DUOX2: variants seen among roughly 807,000 people sequenced by gnomAD.
DUOX2 encodes NADH/NADPH thyroid oxidase p138-tox.
A neutral mutation model predicts 183.3 loss-of-function variants in DUOX2; 185 were observed. The observed-to-expected ratio is 1.01, with a 90% CI of 0.90 to 1.14. The LOEUF (loss-of-function observed/expected upper bound fraction) is 1.14, where lower values mean the gene tolerates loss of function less well. Among genes scored for constraint, DUOX2 ranks in the 50% most tolerant of loss-of-function variants. The pLI, the probability that DUOX2 is intolerant of heterozygous loss-of-function variation, is 0.00. For synonymous variants in DUOX2, 788 were observed against 812.4 expected (o/e 0.97, Z 0.51); for missense variants, 1,999 against 2,022.9 (o/e 0.99, Z 0.23).
rs762219531 is a variant in DUOX2 at position 45,107,405 on chromosome 15, C to G, written c.1633G>C (p.Val545Leu). 1 of 1,614,216 alleles carries G rather than the reference C, an allele frequency of 6.2e-7. No homozygotes were observed. Among genetic ancestry groups the G allele is most frequent in the South Asian group, 1.1e-5 (1 of 91,084 alleles). Residue 545 changes from valine (V) to leucine (L), a missense_variant, in exon 14 of 34, where the codon GTC (valine) becomes CTC (leucine). By Grantham distance (32) the Val-to-Leu change is conservative. Coordinates refer to ENST00000389039, the MANE Select transcript of DUOX2 (RefSeq NM_001363711.2). ...CTGGGGTCAATGTTGATAACAGCGACCAGCACGTCCCGCAGGGTGGTATTT... is the reference window on the plus strand; with the variant it reads ...CTGGGGTCAATGTTGATAACAGCGAGCAGCACGTCCCGCAGGGTGGTATTT... ...IRNTTLRDVL[V>L]AVINIDPSAL...
intron 20 of DUOX2, 93 bp from the exon 21 acceptor site, chr15:45,102,082 G>A: frequency 1.4e-6 from 2 of 1,477,902 alleles, no homozygotes; most frequent in Admixed American, 3.8e-5. Context: ...TATCTAATGT[G>A]GTTACCAGTG....
chr15:45,105,984 T>A, intron 17 of DUOX2, 141 bp downstream of exon 17: 1 of 1,356,356 alleles, frequency 7.4e-7, no homozygotes, highest in Non-Finnish European at 1.0e-6. Flanking sequence ...TCAGGTTGTG[T>A]CTGGGGGCCT....
At chr15:45,094,508 G>A (rs1893847903) in intron 33 of DUOX2, 55 bp downstream of exon 33, 1 of 1,577,324 alleles carries the variant, frequency 6.3e-7, no homozygotes, top group Non-Finnish European at 8.6e-7. Flanking sequence ...TTCAGGGCCA[G>A]GATGTCCTGG....
chr15:45,112,472 G>T, intron 4 of DUOX2, 82 bp downstream of exon 4: 18 of 1,560,782 alleles, frequency 1.2e-5, no homozygotes, highest in Non-Finnish European at 1.4e-5. Flanking sequence ...GTCTCCTGTG[G>T]ACTCGCAGAC....
Position 45,104,306 on chromosome 15 carries a change from C to T in DUOX2, c.2394G>A (p.Val798=), listed in dbSNP as rs61753432. Residue 798 remains valine, a synonymous_variant, in exon 19 of 34, where the codon GTG becomes GTA. Coordinates refer to ENST00000389039, the MANE Select transcript of DUOX2 (RefSeq NM_001363711.2). ...TCAGCTCGCAGGTCAGGGCCTCCCG[C>T]ACCTTCTGGGAGGAGTCCAGGGGCA... The part of the protein sequence containing the change: ...GTLPLDSSQK[V]REALTCELSR... 41 of 1,614,016 alleles carry T rather than the reference C, an allele frequency of 2.5e-5. No homozygotes were observed. The highest frequency in any genetic ancestry group is 3.4e-6 in the Non-Finnish European group (4 of 1,180,020).
intron 18 of DUOX2, 27 bp from the exon 19 acceptor site, chr15:45,104,392 G>A: frequency 6.2e-7 from 1 of 1,607,120 alleles, no homozygotes; most frequent in Non-Finnish European, 8.5e-7. Flanking sequence ...GCAGAGGGAG[G>A]GAAAGAGAAG....
chr15:45,108,218 A>G lies in DUOX2; in HGVS notation c.1403T>C (p.Leu468Pro). The change falls in exon 13 of 34, where the codon CTG becomes CCG. Residue 468 changes from leucine (L) to proline (P), a missense_variant. Transcript: ENST00000389039. ...GTTGTACAGGGCAGCTGTGGCCTCC[A>G]GCACCTGGGGCACCACAGGAGATAA... ...DLNPNVDPQV[L>P]EATAALYNQD... is the part of the protein sequence containing the mutation. 1 of 1,614,148 alleles carries G rather than the reference A, an allele frequency of 6.2e-7. No individual in the cohort carries two copies. The highest frequency in any genetic ancestry group is 8.5e-7 in the Non-Finnish European group (1 of 1,180,032).
At position 45,111,871 on chromosome 15, in the gene DUOX2, T is replaced by C. The variant is rs1177100807; in HGVS notation, c.410A>G (p.Asp137Gly). The change falls in exon 5 of 34, where the codon GAC becomes GGC. Residue 137 changes from aspartate (D) to glycine (G), a missense_variant. Around this residue, in one of 3 missense-constraint regions of DUOX2, gnomAD observed 356 missense variants for 356.4 expected, o/e 1.00. Transcript: ENST00000389039. ...EFLNIRIPPG[D>G]PVFDPDQRGD... Reference sequence around the variant, plus strand: ...GCGCTGGTCGGGGTCGAACACGGGGTCTCCAGGTGGGATGCGGATGTTGAG... The same window carrying C: ...GCGCTGGTCGGGGTCGAACACGGGGCCTCCAGGTGGGATGCGGATGTTGAG... 6.2e-7 allele frequency: 1 copy of C among 1,613,632 alleles called. No individual in the cohort carries two copies. Among genetic ancestry groups the C allele is most frequent in the East Asian group, 2.2e-5 (1 of 44,860 alleles).
At position 45,110,394 on chromosome 15, in the gene DUOX2, G is replaced by A. The variant is rs770149109; in HGVS notation, c.1040+34C>T. 9.5e-6 allele frequency: 15 copies of A among 1,585,884 alleles called. No individual in the cohort carries two copies. In the East Asian group the frequency reaches 3.4e-4, roughly 36 times the overall value. The stretch of plus-strand genomic sequence containing the variant: ...GGCAGCTCATTCTGCACCTTTCTTA[G>A]TGTGGTGCCCCTCTCTGCCAACCCC... On this transcript the variant is annotated intron_variant, in intron 9 of 33. Transcript: ENST00000389039.
Position 45,095,506 on chromosome 15 carries a change from G to A in DUOX2, c.4170C>T (p.Thr1390=), listed in dbSNP as rs1298803050. 6.2e-7 allele frequency: 1 copy of A among 1,614,168 alleles called. No homozygotes were observed. The highest frequency in any genetic ancestry group is 8.5e-7 in the Non-Finnish European group (1 of 1,180,032). Residue 1390 remains threonine (T), a synonymous_variant, in exon 31 of 34, where the codon ACC becomes ACT. Transcript: ENST00000389039. ...SVLVGGGIGV[T]PFASILKDLV... ...GGTCTTTGAGGATGGAGGCAAAGGG[G>A]GTGACCCCAATGCCCCCTCCCACCA...
Position 45,104,311 on chromosome 15 carries a change from T to G in DUOX2, c.2389A>C (p.Lys797Gln). ...TCGCAGGTCAGGGCCTCCCGCACCT[T>G]CTGGGAGGAGTCCAGGGGCAGGGTC... is the stretch of plus-strand genomic sequence containing the variant. ...AGTLPLDSSQ[K>Q]VREALTCELS... Residue 797 changes from lysine to glutamine, a missense_variant, in exon 19 of 34, where the codon AAG becomes CAG. Coordinates refer to ENST00000389039, the MANE Select transcript of DUOX2 (RefSeq NM_001363711.2). 1 of 1,614,092 alleles carries G rather than the reference T, an allele frequency of 6.2e-7. No homozygotes were observed. Among genetic ancestry groups the G allele is most frequent in the Non-Finnish European group, 8.5e-7 (1 of 1,180,018 alleles).
intron 33 of DUOX2, 99 bp downstream of exon 33, chr15:45,094,464 G>C (rs761172114): frequency 5.9e-6 from 9 of 1,538,216 alleles, no homozygotes; most frequent in Admixed American, 1.9e-5. Flanking sequence ...GCAATCGGGT[G>C]GAGTTCTCTG....
At position 45,095,017 on chromosome 15, in the gene DUOX2, C is replaced by T. The variant is rs1300476043; in HGVS notation, c.4314G>A (p.Glu1438=). Reference sequence around the variant, plus strand: ...CAGACACCAGGTCCTGGTGGTCGTTCTCCTCCACCTCTTGGATGATGTCAG... The same window carrying T: ...CAGACACCAGGTCCTGGTGGTCGTTTTCCTCCACCTCTTGGATGATGTCAG... ...WLADIIQEVE[E]NDHQDLVSVH... is the part of the protein sequence containing the mutation. Residue 1438 remains glutamate (E), a synonymous_variant, in exon 32 of 34, where the codon GAG becomes GAA. Coordinates refer to ENST00000389039, the MANE Select transcript of DUOX2 (RefSeq NM_001363711.2). The T allele has an allele frequency of 1.9e-6, 3 of 1,614,160 alleles. No homozygotes were observed. The highest frequency in any genetic ancestry group is 1.3e-5 in the African/African-American group (1 of 75,052).
chr15:45,097,873 G>T, intron 27 of DUOX2, 132 bp from the exon 28 acceptor site: 3 of 1,555,998 alleles, frequency 1.9e-6, no homozygotes, highest in Non-Finnish European at 2.7e-6. Context: ...AGCCTGCCTG[G>T]AGGGATTTGA....
Position 45,100,142 on chromosome 15 carries a change from T to C in DUOX2, c.3092A>G (p.Tyr1031Cys). 1.1e-5 allele frequency: 18 copies of C among 1,614,234 alleles called. No individual in the cohort carries two copies. The highest frequency in any genetic ancestry group is 1.5e-5 in the Non-Finnish European group (18 of 1,180,042). Residue 1031 changes from tyrosine to cysteine, a missense_variant, in exon 24 of 34, where the codon TAC becomes TGC. By Grantham distance (194) the Tyr-to-Cys change is radical. Transcript: ENST00000389039. ...CCGGTAGTTCTCCACGAAGCGCTTG[T>C]ACTGCTGCAGCTTTTGGGCTAGGAA... Reference protein sequence around the residue: ...RGFLAQKLQQYKRFVENYRRH... With the variant: ...RGFLAQKLQQCKRFVENYRRH...
chr15:45,109,446 G>A (rs1394285081), intron 11 of DUOX2, 78 bp downstream of exon 11: 2 of 1,256,340 alleles, frequency 1.6e-6, no homozygotes, highest in East Asian at 2.3e-5. Context: ...AGCGCCCTAG[G>A]TCTGCTATTG....
rs269867 is a variant in DUOX2, at chr15:45,101,541, C to T, written c.2851+252G>A. 1 allele frequency: 622,004 copies of T among 623,458 alleles called. 310,295 individuals carry two copies. Among genetic ancestry groups the T allele is most frequent in the East Asian group, 1 (36,356 of 36,356 alleles). The allele number at this position is 623,458 out of a possible 1,614,324, so 38.6% of individuals were successfully genotyped here. A position where few individuals can be genotyped will look rare whatever the true frequency, so the allele number is the denominator to read the frequency against. On this transcript the variant is annotated intron_variant, in intron 21 of 33. Coordinates refer to ENST00000389039, the MANE Select transcript of DUOX2 (RefSeq NM_001363711.2). ...CAATGCCTCTTCCTCTGGCCAGATA[C>T]ATCTTAGAGCAATGCCGGTGGCTTT...
At position 45,101,217 on chromosome 15, in the gene DUOX2, G is replaced by A; in HGVS notation, c.2909C>T (p.Thr970Ile). ...ISCRVSFITR[T>I]PGERSHPQGL... ...CATTCCTGCTCACCGCTCCCCAGGT[G>A]TCCGAGTGATGAACGAGACTCGACA... The change falls in exon 22 of 34, where the codon ACA (threonine) becomes ATA (isoleucine). Residue 970 changes from threonine to isoleucine, a missense_variant. Coordinates refer to ENST00000389039, the MANE Select transcript of DUOX2 (RefSeq NM_001363711.2). 6.2e-7 allele frequency: 1 copy of A among 1,613,730 alleles called. No individual in the cohort carries two copies. Among genetic ancestry groups the A allele is most frequent in the Non-Finnish European group, 8.5e-7 (1 of 1,179,920 alleles).
chr15:45,095,504 G>A lies in DUOX2; in HGVS notation c.4172C>T (p.Pro1391Leu), dbSNP rs892260886. 1 of 1,614,226 alleles carries A rather than the reference G, an allele frequency of 6.2e-7. No individual in the cohort carries two copies. Among genetic ancestry groups the A allele is most frequent in the Admixed American group, 1.7e-5 (1 of 60,032 alleles). The change falls in exon 31 of 34, where the codon CCC becomes CTC. Residue 1391 changes from proline to leucine, a missense_variant. Transcript: ENST00000389039. ...CAGGTCTTTGAGGATGGAGGCAAAG[G>A]GGGTGACCCCAATGCCCCCTCCCAC... ...VLVGGGIGVTPFASILKDLVF... is the reference protein window; with the variant it reads ...VLVGGGIGVTLFASILKDLVF...
Sources: allele counts gnomAD v4.1 joint callset, GRCh38; gene constraint gnomAD v4.1.1; regional missense constraint gnomAD v4.1.1; transcripts MANE v1.5; gene names NCBI Gene and HGNC (gene_info 2026-07-23, HGNC 2026-07-21).